Variants in DOCK4 observed in about 807,000 individuals in gnomAD.
The protein encoded by DOCK4 is dedicator of cytokinesis 4.
DOCK4 carries 97 observed loss-of-function variants against 268.1 expected under a neutral mutation model. The observed-to-expected ratio is 0.36, with a 90% CI of 0.31 to 0.43. The LOEUF (loss-of-function observed/expected upper bound fraction) is 0.43. DOCK4 is among the 20% of genes least tolerant of loss of function. DOCK4 has a pLI of 1.00. For synonymous variants in DOCK4, 954 were observed against 887.2 expected, an observed-to-expected ratio of 1.08 and a Z score of -1.34; for missense variants, 2,145 against 2,455.7, an observed-to-expected ratio of 0.87 and a Z score of 2.67.
rs201386487 is a variant in DOCK4 at position 111,741,227 on chromosome 7, G to A, written c.4920-13C>T. On this transcript the variant is annotated splice_polypyrimidine_tract_variant and intron_variant, in intron 46 of 52. Transcript: ENST00000428084. Reference sequence around the variant, plus strand: ...GTAACTTAACGGGCTGTTTCAGGGGGAAAAAAAAGGTCATTAACTCAGTCT... The same window carrying A: ...GTAACTTAACGGGCTGTTTCAGGGGAAAAAAAAAGGTCATTAACTCAGTCT... The A allele has an allele frequency of 2.7e-4, 435 of 1,602,312 alleles. 1 individual carries two copies. In the African/African-American group the frequency reaches 5.3e-3, roughly 19 times the overall value.
intron 1 of DOCK4, among the ~76,000 whole-genome samples, chr7:112,040,857 T>A (rs1368959845): frequency 6.6e-6 from 1 of 152,246 alleles, no homozygotes; most frequent in East Asian, 1.9e-4. Flanking sequence ...AATTTGTGCA[T>A]ATGTATATGT....
chr7:111,744,862 T>G (rs1244954137), intron 44 of DOCK4, among the ~76,000 whole-genome samples: 1 of 152,218 alleles, frequency 6.6e-6, no homozygotes, highest in Non-Finnish European at 1.5e-5. Context: ...CCCTGTAGTA[T>G]TAGGTTTTGT....
intron 1 of DOCK4, among the ~76,000 whole-genome samples, chr7:112,129,397 G>C (rs1450785984): frequency 1.3e-5 from 2 of 152,068 alleles, no homozygotes; most frequent in African/African-American, 4.8e-5. Context: ...ACCTATAAAG[G>C]GGCAGCATAA....
intron 1 of DOCK4, among the ~76,000 whole-genome samples, chr7:112,068,263 C>A (rs561872532): frequency 6.6e-6 from 1 of 152,270 alleles, no homozygotes; most frequent in Admixed American, 6.5e-5. Context: ...AGAGTACCTG[C>A]ATCCCTTGTT....
At chr7:111,820,158 G>A (rs1234530613) in intron 27 of DOCK4, 3 of 152,236 alleles carry the variant, frequency 2.0e-5, no homozygotes, top group African/African-American at 7.2e-5. Context: ...TGACTTGAAT[G>A]GAGGAGAATG....
At position 112,146,191 on chromosome 7, in the gene DOCK4, C is replaced by T. The variant is rs1260512463; in HGVS notation, c.37+59911G>A. Among the ~76,000 whole-genome samples, 4 of 152,314 alleles carry T rather than the reference C, an allele frequency of 2.6e-5. No individual in the cohort carries two copies. In the South Asian group the frequency reaches 6.2e-4, roughly 24 times the overall value. ...TTGAAAAGTGGCTGGGTCTTAAATG[C>T]TTTGCCAGAAAGACTTCATCGAATC... On this transcript the variant is annotated intron_variant, in intron 1 of 52. Transcript: ENST00000428084.
intron 1 of DOCK4, among the ~76,000 whole-genome samples, chr7:112,059,654 C>T (rs936541762): frequency 2.0e-5 from 3 of 152,034 alleles, no homozygotes; most frequent in Admixed American, 1.3e-4. Context: ...AGAACTCTCT[C>T]CAGTGAATTT....
intron 47 of DOCK4, 148 bp from the exon 48 acceptor site, chr7:111,739,625 C>T: frequency 3.0e-6 from 2 of 662,966 alleles, no homozygotes; most frequent in South Asian, 3.9e-5. Flanking sequence ...CTTAGATTGA[C>T]AAAGAAGTCT....
At chr7:111,889,751 A>T (rs1808140122) in intron 16 of DOCK4, among the ~76,000 whole-genome samples, 1 of 152,180 alleles carries the variant, frequency 6.6e-6, no homozygotes, top group African/African-American at 2.4e-5. Flanking sequence ...TTTACTGTCT[A>T]TGTCATCATA....
chr7:112,164,740 T>C (rs1817436957), intron 1 of DOCK4, among the ~76,000 whole-genome samples: 1 of 152,274 alleles, frequency 6.6e-6, no homozygotes, highest in Non-Finnish European at 1.5e-5. Context: ...CATGCCTTAC[T>C]TGTTGAATCT....
At chr7:111,796,029 G>A (rs913840037) in intron 30 of DOCK4, among the ~76,000 whole-genome samples, 1 of 152,122 alleles carries the variant, frequency 6.6e-6, no homozygotes, top group African/African-American at 2.4e-5. Flanking sequence ...TGCCCTAGAG[G>A]ACCAAGGTCC....
chr7:111,976,067 G>A (rs1798128828), intron 8 of DOCK4, among the ~76,000 whole-genome samples: 2 of 141,700 alleles, frequency 1.4e-5, no homozygotes, highest in African/African-American at 5.3e-5. Context: ...CTTGAACCCA[G>A]GAGGTGGAGG....
At chr7:111,778,237 T>C (rs747675327) in intron 36 of DOCK4, 39 bp downstream of exon 36, 3 of 1,401,252 alleles carry the variant, frequency 2.1e-6, no homozygotes, top group Non-Finnish European at 1.0e-6. Context: ...GATTAATACA[T>C]CAGCTCCCTT....
At chr7:111,945,408 A>G (rs917467301) in intron 9 of DOCK4, among the ~76,000 whole-genome samples, 4 of 152,154 alleles carry the variant, frequency 2.6e-5, no homozygotes, top group African/African-American at 9.7e-5. Context: ...CTGGTCTTGA[A>G]TTCCTGACCT....
intron 8 of DOCK4, among the ~76,000 whole-genome samples, chr7:111,969,829 A>T (rs1487386640): frequency 6.6e-6 from 1 of 152,220 alleles, no homozygotes; most frequent in East Asian, 1.9e-4. Flanking sequence ...TACAGAAGCC[A>T]ATTTTAAATG....
chr7:111,988,609 GTCTCCCTCCGGA>G (rs1799239984), intron 6 of DOCK4, among the ~76,000 whole-genome samples: 1 of 152,138 alleles, frequency 6.6e-6, no homozygotes, highest in South Asian at 2.1e-4. Context: ...TAACATTAGT[GTCTCCCTCCGGA>G]TTACACTGGT....
chr7:112,186,273 T>A (rs1239121299), intron 1 of DOCK4, among the ~76,000 whole-genome samples: 1 of 152,218 alleles, frequency 6.6e-6, no homozygotes, highest in East Asian at 1.9e-4. Flanking sequence ...CAGACACCCC[T>A]TATTCCCATA....
chr7:112,034,725 C>T (rs1203580261), intron 1 of DOCK4, among the ~76,000 whole-genome samples: 1 of 152,128 alleles, frequency 6.6e-6, no homozygotes, highest in Non-Finnish European at 1.5e-5. Context: ...CATGGTGAAA[C>T]CCCATCCCTA....
intron 1 of DOCK4, among the ~76,000 whole-genome samples, chr7:112,069,162 C>T (rs1807352031): frequency 6.6e-6 from 1 of 152,102 alleles, no homozygotes; most frequent in Non-Finnish European, 1.5e-5. Context: ...GCTTGTACAC[C>T]AAGCCGTCTA....
Sources: allele counts gnomAD v4.1 joint callset (sites outside exome capture counted in the v4.1 genomes callset), GRCh38; gene constraint gnomAD v4.1.1; transcripts MANE v1.5; gene names NCBI Gene and HGNC (gene_info 2026-07-23, HGNC 2026-07-21).